FAM168A: variants seen among roughly 807,000 people sequenced by gnomAD.
The protein encoded by FAM168A is family with sequence similarity 168 member A.
Under a neutral mutation model 28.5 loss-of-function variants are expected in FAM168A, and 3 were observed. The observed-to-expected ratio is 0.11, with a 90% CI of 0.05 to 0.27. FAM168A has a LOEUF of 0.27. Ranked by LOEUF, FAM168A falls within the 10% of genes least tolerant of loss-of-function variation. The pLI, the probability that FAM168A is intolerant of heterozygous loss-of-function variation, is 1.00. For synonymous variants in FAM168A, 122 were observed against 124.2 expected, an observed-to-expected ratio of 0.98 and a Z score of 0.12; for missense variants, 222 against 311.5, an observed-to-expected ratio of 0.71 and a Z score of 2.16.
chr11:73,444,397 A>C (rs1000687806), intron 2 of FAM168A, among the ~76,000 whole-genome samples: 1 of 152,210 alleles, frequency 6.6e-6, no homozygotes, highest in South Asian at 2.1e-4. Context: ...ACATGGCTCC[A>C]GCTGGTTAGG....
intron 1 of FAM168A, among the ~76,000 whole-genome samples, chr11:73,569,116 A>G (rs989803077): frequency 2.6e-5 from 4 of 152,220 alleles, no homozygotes; most frequent in African/African-American, 9.6e-5. Flanking sequence ...GCTCAACTAT[A>G]TTTAATGCCA....
chr11:73,496,655 C>G (rs1026383774), intron 1 of FAM168A, among the ~76,000 whole-genome samples: 1 of 152,082 alleles, frequency 6.6e-6, no homozygotes. Context: ...CCGCCTCCCG[C>G]GTTCACGCCA....
chr11:73,413,855 C>T (rs1046992615), intron 4 of FAM168A, among the ~76,000 whole-genome samples: 1 of 152,108 alleles, frequency 6.6e-6, no homozygotes, highest in African/African-American at 2.4e-5. Flanking sequence ...CACTTGAGAC[C>T]AGGAGTTTAA....
intron 1 of FAM168A, among the ~76,000 whole-genome samples, chr11:73,486,086 CG>C (rs1467822273): frequency 5.3e-5 from 8 of 152,116 alleles, no homozygotes; most frequent in African/African-American, 1.9e-4. Context: ...TGGGGGAAAA[CG>C]GCCCATTATT....
rs1323103267 is a variant in FAM168A, at chr11:73,445,429, T to TC, written c.71-14660_71-14659insG. On this transcript the variant is annotated intron_variant, in intron 2 of 7. Coordinates refer to ENST00000356467, the MANE Select transcript of FAM168A (RefSeq NM_015159.3). The stretch of plus-strand genomic sequence containing the variant: ...TATGTAAAAATGTCTCTTTTTTTTT[T>TC]TTTTTTTTTTTTTTTTTTTTGGTAG... 1.5e-4 allele frequency among the ~76,000 whole-genome samples: 18 copies of TC among 123,414 alleles called. No homozygotes were observed. The East Asian group carries it at 3.7e-3, about 26-fold the overall frequency. 81.0% of individuals were successfully genotyped at this position (123,414 alleles called of 152,430 possible).
intron 1 of FAM168A, among the ~76,000 whole-genome samples, chr11:73,473,976 A>G (rs915172992): frequency 4.6e-5 from 7 of 151,716 alleles, no homozygotes; most frequent in African/African-American, 1.7e-4. Context: ...CACCCAACTA[A>G]TTTTTGTATT....
intron 1 of FAM168A, among the ~76,000 whole-genome samples, chr11:73,548,789 C>T (rs182247678): frequency 1.6e-3 from 237 of 152,108 alleles, no homozygotes; most frequent in African/African-American, 5.1e-3. Flanking sequence ...TACAGGTGTG[C>T]GCCACCAAGG....
chr11:73,538,835 G>A (rs1387516092), intron 1 of FAM168A, among the ~76,000 whole-genome samples: 1 of 152,196 alleles, frequency 6.6e-6, no homozygotes, highest in Non-Finnish European at 1.5e-5. Context: ...AGGAGGGGCT[G>A]AGGCAAAGAC....
At chr11:73,550,231 A>G (rs1943809330) in intron 1 of FAM168A, among the ~76,000 whole-genome samples, 1 of 152,244 alleles carries the variant, frequency 6.6e-6, no homozygotes, top group African/African-American at 2.4e-5. Flanking sequence ...TAAGAGCTCT[A>G]AGATAGAGAA....
At chr11:73,502,047 G>T (rs1173344800) in intron 1 of FAM168A, among the ~76,000 whole-genome samples, 1 of 150,652 alleles carries the variant, frequency 6.6e-6, no homozygotes, top group African/African-American at 2.4e-5. Flanking sequence ...CTTGCAGTGA[G>T]CTGAGATTGC....
At chr11:73,559,725 A>G (rs1943935165) in intron 1 of FAM168A, among the ~76,000 whole-genome samples, 1 of 152,252 alleles carries the variant, frequency 6.6e-6, no homozygotes, top group South Asian at 2.1e-4. Flanking sequence ...TTGTTGCACA[A>G]CACTGGGAGT....
At chr11:73,502,188 CA>C (rs112282375) in intron 1 of FAM168A, among the ~76,000 whole-genome samples, 15 of 144,546 alleles carry the variant, frequency 1.0e-4, no homozygotes, top group Non-Finnish European at 1.4e-4. Context: ...AAAAAACCCT[CA>C]AAAAAAAAAT....
chr11:73,582,642 C>T (rs1279978469), intron 1 of FAM168A, among the ~76,000 whole-genome samples: 1 of 152,150 alleles, frequency 6.6e-6, no homozygotes, highest in Non-Finnish European at 1.5e-5. Flanking sequence ...AATACACAAG[C>T]ATTTGATACA....
At chr11:73,587,837 C>T (rs1252766045) in intron 1 of FAM168A, among the ~76,000 whole-genome samples, 1 of 152,012 alleles carries the variant, frequency 6.6e-6, no homozygotes, top group Admixed American at 6.6e-5. Flanking sequence ...GCAACCTCTG[C>T]CTCTCTAGTT....
chr11:73,592,758 A>G, intron 1 of FAM168A, among the ~76,000 whole-genome samples: 1 of 152,132 alleles, frequency 6.6e-6, no homozygotes. Flanking sequence ...TATTTTCTAC[A>G]AAAAGCATTT....
At chr11:73,452,938 G>A (rs900671142) in intron 2 of FAM168A, among the ~76,000 whole-genome samples, 1 of 152,092 alleles carries the variant, frequency 6.6e-6, no homozygotes, top group African/African-American at 2.4e-5. Context: ...ACCTTCCTGG[G>A]GTGTTAATTT....
intron 1 of FAM168A, among the ~76,000 whole-genome samples, chr11:73,549,814 A>G (rs1005816046): frequency 2.0e-5 from 3 of 152,224 alleles, no homozygotes; most frequent in Non-Finnish European, 2.9e-5. Context: ...AGGAATCACA[A>G]TAAGTAGAGC....
At chr11:73,461,204 C>T (rs1867641282) in intron 2 of FAM168A, among the ~76,000 whole-genome samples, 1 of 152,124 alleles carries the variant, frequency 6.6e-6, no homozygotes, top group Non-Finnish European at 1.5e-5. Flanking sequence ...GAAGCCTTGA[C>T]TTCCTGGGCT....
At chr11:73,596,516 T>G (rs922109941) in intron 1 of FAM168A, among the ~76,000 whole-genome samples, 1 of 151,990 alleles carries the variant, frequency 6.6e-6, no homozygotes, top group East Asian at 1.9e-4. Flanking sequence ...CTAATATAAA[T>G]AAAACAAACA....
Sources: allele counts gnomAD v4.1 joint callset (sites outside exome capture counted in the v4.1 genomes callset), GRCh38; gene constraint gnomAD v4.1.1; transcripts MANE v1.5; gene names NCBI Gene and HGNC (gene_info 2026-07-23, HGNC 2026-07-21).